Variants in PHF12 observed in about 807,000 individuals in gnomAD.
The protein encoded by PHF12 is PHD finger protein 12.
Under a neutral mutation model 99.8 loss-of-function variants are expected in PHF12, and 6 were observed. That is an observed-to-expected ratio of 0.06 (90% CI 0.03 to 0.12). The LOEUF (loss-of-function observed/expected upper bound fraction) is 0.12. Among genes scored for constraint, PHF12 ranks in the 10% least tolerant of loss-of-function variants. The pLI is 1.00. For missense variants in PHF12, 954 were observed against 1,300.1 expected (o/e 0.73, Z 4.09); for synonymous variants, 480 against 514.9 (o/e 0.93, Z 0.92).
At chr17:28,920,162 C>T (rs1477686539) in intron 5 of PHF12, among the ~76,000 whole-genome samples, 1 of 152,208 alleles carries the variant, frequency 6.6e-6, no homozygotes, top group Non-Finnish European at 1.5e-5. Context: ...TTTGTAACTA[C>T]AATACTCCTG....
chr17:28,936,202 C>T (rs1450219757), intron 2 of PHF12, among the ~76,000 whole-genome samples: 2 of 152,156 alleles, frequency 1.3e-5, no homozygotes, highest in Non-Finnish European at 2.9e-5. Context: ...TGAACCTGCA[C>T]GACATTAACA....
chr17:28,945,960 C>T lies in PHF12; in HGVS notation c.248+4105G>A, dbSNP rs574827119. Reference sequence around the variant, plus strand: ...ACCAGCCTGACCAACACGGTGAAACCCTGTCTCTACTAAAAATACAAGAAA... The same window carrying T: ...ACCAGCCTGACCAACACGGTGAAACTCTGTCTCTACTAAAAATACAAGAAA... On this transcript the variant is annotated intron_variant, in intron 2 of 14. Coordinates refer to ENST00000332830, the MANE Select transcript of PHF12 (RefSeq NM_001033561.2). Among the ~76,000 whole-genome samples the T allele has an allele frequency of 2.0e-5, 3 of 152,200 alleles. No individual in the cohort carries two copies. In the East Asian group the frequency reaches 5.8e-4, roughly 29 times the overall value.
At chr17:28,910,134 T>C in intron 11 of PHF12, 92 bp downstream of exon 11, 1 of 1,569,428 alleles carries the variant, frequency 6.4e-7, no homozygotes, top group Non-Finnish European at 8.8e-7. Flanking sequence ...TTTGAGATAC[T>C]GGAAGCTCAG....
chr17:28,946,216 A>G (rs1397934784), intron 2 of PHF12, among the ~76,000 whole-genome samples: 1 of 152,236 alleles, frequency 6.6e-6, no homozygotes, highest in African/African-American at 2.4e-5. Flanking sequence ...ATCACTCTGA[A>G]TAATTGATAA....
chr17:28,907,145 G>A (rs1342984990), intron 13 of PHF12, 151 bp from the exon 14 acceptor site: 3 of 864,728 alleles, frequency 3.5e-6, no homozygotes, highest in African/African-American at 3.4e-5. Context: ...TCAGAAGGGG[G>A]CTGGAGACAC....
Position 28,906,631 on chromosome 17 carries a change from G to A in PHF12, c.2681-114C>T. The A allele has an allele frequency of 1.5e-6, 2 of 1,292,638 alleles. No individual in the cohort carries two copies. The highest frequency in any genetic ancestry group is 2.1e-6 in the Non-Finnish European group (2 of 944,438). 80.1% of individuals were successfully genotyped at this position (1,292,638 alleles called of 1,614,324 possible). The stretch of plus-strand genomic sequence containing the variant: ...CCATTCCAACTGCTGCATGACTAGG[G>A]AGGAAGGATGCTCAGAAAGGGTTGG... On this transcript the variant is annotated intron_variant, in intron 14 of 14. Transcript: ENST00000332830. This position sits in a 1 kb window ranked among gnomAD's most constrained non-coding sequence, Gnocchi z 4.2.
In PHF12 at chr17:28,912,575, C is replaced by T. The variant is rs764314067; in HGVS notation, c.1996G>A (p.Ala666Thr). The change falls in exon 9 of 15, where the codon GCC becomes ACC. Residue 666 changes from alanine to threonine, a missense_variant. Physicochemically the swap from Ala to Thr is moderately conservative, Grantham distance 58. Coordinates refer to ENST00000332830, the MANE Select transcript of PHF12 (RefSeq NM_001033561.2). ...TGCGGGGGAGTGAGCACCCGGGTGG[C>T]GTTTGGGGGTGAGCCCAGTGGCCTT... is the stretch of plus-strand genomic sequence containing the variant. ...DSRPLGSPPNATRVLTPPQAA... is the reference protein window; with the variant it reads ...DSRPLGSPPNTTRVLTPPQAA... 4.3e-6 allele frequency: 7 copies of T among 1,613,994 alleles called. No individual in the cohort carries two copies. The highest frequency in any genetic ancestry group is 2.2e-5 in the East Asian group (1 of 44,896).
At chr17:28,908,748 A>G in intron 12 of PHF12, 35 bp downstream of exon 12, 1 of 1,599,908 alleles carries the variant, frequency 6.3e-7, no homozygotes, top group Non-Finnish European at 8.6e-7. Context: ...GGCTGAACAG[A>G]TTCAGTGTCT....
chr17:28,938,582 G>T (rs934827057), intron 2 of PHF12, among the ~76,000 whole-genome samples: 1 of 152,088 alleles, frequency 6.6e-6, no homozygotes, highest in African/African-American at 2.4e-5. Flanking sequence ...AGGGACTTTG[G>T]TTTAATTTAC....
intron 7 of PHF12, 131 bp downstream of exon 7, chr17:28,917,154 T>G: frequency 2.5e-6 from 3 of 1,212,262 alleles, no homozygotes; most frequent in Non-Finnish European, 3.5e-6. Flanking sequence ...TCACACTCAT[T>G]ACTCACGAGA....
At position 28,949,864 on chromosome 17, in the gene PHF12, C is replaced by T. The variant is rs1024332817; in HGVS notation, c.248+201G>A. 13 of 597,682 alleles carry T rather than the reference C, an allele frequency of 2.2e-5. No individual in the cohort carries two copies. The highest frequency in any genetic ancestry group is 2.6e-5 in the Non-Finnish European group (9 of 346,434). The allele number at this position is 597,682 out of a possible 1,614,324, so 37.0% of individuals were successfully genotyped here. The stretch of plus-strand genomic sequence containing the variant: ...TCGTCCCAACCCCCACCTCGGGGTC[C>T]GGACCCACCGCTGCTCCTCCCCGCT... On this transcript the variant is annotated intron_variant, in intron 2 of 14. Coordinates refer to ENST00000332830, the MANE Select transcript of PHF12 (RefSeq NM_001033561.2). The surrounding 1 kb of genome is among the most constrained non-coding windows in gnomAD (Gnocchi z 4.6).
At chr17:28,916,368 A>G (rs2040061861) in intron 7 of PHF12, among the ~76,000 whole-genome samples, 1 of 152,150 alleles carries the variant, frequency 6.6e-6, no homozygotes, top group Admixed American at 6.5e-5. Flanking sequence ...CTAATGTTTT[A>G]TATTTTTAGC....
chr17:28,932,529 G>A (rs1350327399), intron 2 of PHF12, among the ~76,000 whole-genome samples: 1 of 152,190 alleles, frequency 6.6e-6, no homozygotes, highest in Non-Finnish European at 1.5e-5. Flanking sequence ...GAAAGAGGCT[G>A]TTTTGCTCCA....
rs1425077318 is a variant in PHF12, at chr17:28,913,953, T to G, written c.1219A>C (p.Asn407His). The change falls in exon 8 of 15, where the codon AAT becomes CAT. Residue 407 changes from asparagine to histidine, a missense_variant. Transcript: ENST00000332830. ...AAIRDGELIC[N>H]GIPEESQMHL... The stretch of plus-strand genomic sequence containing the variant: ...ATCTGTGATTCCTCAGGGATCCCAT[T>G]GCAGATCAGCTCCCCGTCCCGAATG... The G allele has an allele frequency of 6.2e-7, 1 of 1,613,918 alleles. No homozygotes were observed. Among genetic ancestry groups the G allele is most frequent in the East Asian group, 2.2e-5 (1 of 44,872 alleles).
chr17:28,951,409 G>A lies in PHF12; in HGVS notation c.-449C>T. On this transcript the variant is annotated 5_prime_UTR_variant, in exon 1 of 15. Coordinates refer to ENST00000332830, the MANE Select transcript of PHF12 (RefSeq NM_001033561.2). ...TGATGGGGGGTGGTCCCCGGGCTCC[G>A]CCTCTCGCCGCCGCCGCCGTCTGCG... The A allele has an allele frequency of 2.0e-6, 2 of 987,570 alleles. No individual in the cohort carries two copies. The highest frequency in any genetic ancestry group is 2.4e-6 in the Non-Finnish European group (2 of 831,376). The allele number at this position is 987,570 out of a possible 1,614,324, so 61.2% of individuals were successfully genotyped here.
chr17:28,910,663 T>C (rs1466520016), intron 10 of PHF12: 1 of 462,784 alleles, frequency 2.2e-6, no homozygotes. Context: ...TGCCTGTCTG[T>C]GGGGGAGGGC....
Position 28,906,438 on chromosome 17 carries a change from C to T in PHF12, c.2760G>A (p.Gln920=), listed in dbSNP as rs764226010. 14 of 1,614,092 alleles carry T rather than the reference C, an allele frequency of 8.7e-6. No individual in the cohort carries two copies. Among genetic ancestry groups the T allele is most frequent in the Non-Finnish European group, 1.2e-5 (14 of 1,180,022 alleles). Residue 920 remains glutamine (Q), a synonymous_variant, in exon 15 of 15, where the codon CAG becomes CAA. Coordinates refer to ENST00000332830, the MANE Select transcript of PHF12 (RefSeq NM_001033561.2). This position sits in a 1 kb window ranked among gnomAD's most constrained non-coding sequence, Gnocchi z 4.2. ...AMMSSQAQGP[Q]RRPCNCKASS... Reference sequence around the variant, plus strand: ...TGGCTTTGCAATTGCAGGGTCTCCGCTGCGGCCCCTGGGCCTGGGAACTCA... The same window carrying T: ...TGGCTTTGCAATTGCAGGGTCTCCGTTGCGGCCCCTGGGCCTGGGAACTCA...
intron 2 of PHF12, among the ~76,000 whole-genome samples, chr17:28,947,939 C>T (rs1009661338): frequency 2.0e-5 from 3 of 152,040 alleles, no homozygotes; most frequent in African/African-American, 7.2e-5. Flanking sequence ...GTCTGAATCT[C>T]ACCAACAGCT....
chr17:28,910,117 A>G, intron 11 of PHF12, 109 bp downstream of exon 11: 2 of 1,497,342 alleles, frequency 1.3e-6, no homozygotes, highest in South Asian at 1.1e-5. Context: ...AAAAGCACAC[A>G]AGGAGGTTTG....
Sources: allele counts gnomAD v4.1 joint callset (sites outside exome capture counted in the v4.1 genomes callset), GRCh38; gene constraint gnomAD v4.1.1; non-coding constraint Gnocchi (gnomAD v3.1); transcripts MANE v1.5; gene names NCBI Gene and HGNC (gene_info 2026-07-23, HGNC 2026-07-21).